TET1: variants seen among roughly 807,000 people sequenced by gnomAD.
TET1 encodes methylcytosine dioxygenase TET1.
Under a neutral mutation model 148.7 loss-of-function variants are expected in TET1, and 13 were observed. That is an observed-to-expected ratio of 0.09 (90% CI 0.06 to 0.14). The LOEUF (loss-of-function observed/expected upper bound fraction) is 0.14. Among genes scored for constraint, TET1 ranks in the 10% least tolerant of loss-of-function variants. TET1 has a pLI of 1.00. For synonymous variants in TET1, 907 were observed against 937.2 expected (o/e 0.97, Z 0.59); for missense variants, 2,182 against 2,553.8 (o/e 0.85, Z 3.14).
chr10:68,571,137 C>T (rs1475651764), intron 1 of TET1, among the ~76,000 whole-genome samples: 4 of 136,884 alleles, frequency 2.9e-5, no homozygotes, highest in African/African-American at 1.1e-4. Context: ...ATTACAGGCG[C>T]CTGCCACCAC....
At chr10:68,615,356 C>CTTTCTTTTTTTT (rs1554936333) in intron 3 of TET1, among the ~76,000 whole-genome samples, 35 of 145,356 alleles carry the variant, frequency 2.4e-4, no homozygotes, top group African/African-American at 8.6e-4. Flanking sequence ...CTTTTCTTTT[C>CTTTCTTTTTTTT]TTTTTTTGAG....
intron 7 of TET1, among the ~76,000 whole-genome samples, chr10:68,669,294 C>T (rs1159306124): frequency 6.6e-6 from 1 of 151,636 alleles, no homozygotes; most frequent in African/African-American, 2.4e-5. Context: ...TGTAAGAATA[C>T]TTCAGCGGAG....
intron 11 of TET1, among the ~76,000 whole-genome samples, chr10:68,688,922 C>G (rs1265835762): frequency 6.6e-6 from 1 of 152,100 alleles, no homozygotes; most frequent in Non-Finnish European, 1.5e-5. Flanking sequence ...TTATGAGAAG[C>G]TGTTTATTTG....
chr10:68,622,536 G>A (rs2054392469), intron 3 of TET1, among the ~76,000 whole-genome samples: 1 of 151,918 alleles, frequency 6.6e-6, no homozygotes, highest in Non-Finnish European at 1.5e-5. Context: ...AAAGTGCTGG[G>A]ATTACAGGCA....
At chr10:68,602,000 C>A (rs1427480952) in intron 3 of TET1, among the ~76,000 whole-genome samples, 6 of 152,090 alleles carry the variant, frequency 3.9e-5, no homozygotes, top group Admixed American at 6.6e-5. Context: ...TCATTTGTTG[C>A]CCCAGTGTGT....
chr10:68,624,988 C>T (rs1432350586), intron 3 of TET1, among the ~76,000 whole-genome samples: 1 of 151,926 alleles, frequency 6.6e-6, no homozygotes, highest in African/African-American at 2.4e-5. Flanking sequence ...CCCGCCTCGG[C>T]CTCCCAAAGT....
intron 7 of TET1, among the ~76,000 whole-genome samples, chr10:68,670,761 T>C (rs1430464631): frequency 3.5e-4 from 54 of 152,316 alleles, no homozygotes; most frequent in Non-Finnish European, 1.8e-4. Context: ...GCATCTCATT[T>C]AGTGAATTTC....
At chr10:68,620,948 T>C (rs1420634311) in intron 3 of TET1, among the ~76,000 whole-genome samples, 2 of 152,224 alleles carry the variant, frequency 1.3e-5, no homozygotes, top group Non-Finnish European at 1.5e-5. Context: ...TATGTTTTCT[T>C]TGGAGAACTA....
At chr10:68,616,214 C>G (rs563640712) in intron 3 of TET1, among the ~76,000 whole-genome samples, 1 of 152,176 alleles carries the variant, frequency 6.6e-6, no homozygotes, top group Non-Finnish European at 1.5e-5. Flanking sequence ...ACCAATTGTC[C>G]TAATACCTTG....
At chr10:68,571,780 C>A (rs2053673156) in intron 1 of TET1, among the ~76,000 whole-genome samples, 1 of 152,194 alleles carries the variant, frequency 6.6e-6, no homozygotes, top group South Asian at 2.1e-4. Flanking sequence ...CTGCCTCAGT[C>A]TCCTAAAATG....
intron 1 of TET1, among the ~76,000 whole-genome samples, chr10:68,561,563 G>A (rs1034862578): frequency 2.6e-5 from 4 of 152,260 alleles, no homozygotes; most frequent in South Asian, 2.1e-4. Context: ...GGTGGGAGGT[G>A]CGCGGAGCTG....
intron 7 of TET1, among the ~76,000 whole-genome samples, chr10:68,669,096 A>G (rs1028908883): frequency 6.6e-6 from 1 of 152,090 alleles, no homozygotes; most frequent in Non-Finnish European, 1.5e-5. Context: ...CAAAATTTTT[A>G]AAACCAGGCA....
At chr10:68,609,087 T>A (rs1368467156) in intron 3 of TET1, among the ~76,000 whole-genome samples, 3 of 152,100 alleles carry the variant, frequency 2.0e-5, no homozygotes, top group Non-Finnish European at 4.4e-5. Context: ...AGCCAAAACC[T>A]ACTGGGCTCA....
intron 3 of TET1, among the ~76,000 whole-genome samples, chr10:68,604,553 G>C (rs532138719): frequency 6.6e-6 from 1 of 152,274 alleles, no homozygotes; most frequent in South Asian, 2.1e-4. Context: ...GGAGTCAAGT[G>C]GGGGGTGGGT....
chr10:68,591,074 C>G (rs1456118486), intron 2 of TET1, among the ~76,000 whole-genome samples: 1 of 152,116 alleles, frequency 6.6e-6, no homozygotes, highest in African/African-American at 2.4e-5. Flanking sequence ...AGGCTGGTCT[C>G]GAACTCCCGA....
chr10:68,595,977 C>A (rs377721014), intron 2 of TET1, among the ~76,000 whole-genome samples: 1 of 59,104 alleles, frequency 1.7e-5, no homozygotes, highest in South Asian at 5.8e-4. Flanking sequence ...CACACACACA[C>A]ATATATACAC....
Position 68,646,452 on chromosome 10 carries a change from G to A in TET1, c.3723G>A (p.Gln1241=), listed in dbSNP as rs559361677. The A allele has an allele frequency of 3.7e-6, 6 of 1,614,150 alleles. No individual in the cohort carries two copies. The African/African-American group carries it at 8.0e-5, about 22-fold the overall frequency. ...AAACAGTATTTCCACCACTCACTCA[G>A]ATAAAATTACAGAGATATCCTGAAT... ...QPKTVFPPLT[Q]IKLQRYPESA... The change falls in exon 4 of 12, where the codon CAG becomes CAA. Residue 1241 remains glutamine, a synonymous_variant. Transcript: ENST00000373644.
At chr10:68,670,401 T>C (rs2055257144) in intron 7 of TET1, among the ~76,000 whole-genome samples, 1 of 152,218 alleles carries the variant, frequency 6.6e-6, no homozygotes, top group Non-Finnish European at 1.5e-5. Context: ...TGTTTCTTCC[T>C]GACTTAAGTC....
At chr10:68,594,587 G>A (rs769199313) in intron 2 of TET1, among the ~76,000 whole-genome samples, 1 of 152,052 alleles carries the variant, frequency 6.6e-6, no homozygotes, top group Non-Finnish European at 1.5e-5. Flanking sequence ...GCTTACATCC[G>A]GACTATTACT....
Sources: allele counts gnomAD v4.1 joint callset (sites outside exome capture counted in the v4.1 genomes callset), GRCh38; gene constraint gnomAD v4.1.1; transcripts MANE v1.5; gene names NCBI Gene and HGNC (gene_info 2026-07-23, HGNC 2026-07-21).